The following C4orf17 variants were observed in gnomAD, a reference collection of about 807,000 sequenced individuals.
C4orf17 encodes uncharacterized protein C4orf17.
A neutral mutation model predicts 32.0 loss-of-function variants in C4orf17; 25 were observed. The ratio of observed to expected loss-of-function variants is 0.78; its 90% confidence interval spans 0.57 to 1.09. The LOEUF is 1.09. C4orf17 is among the 50% of genes least tolerant of loss of function. The pLI is 0.00. For missense variants in C4orf17, 420 were observed against 420.0 expected, an observed-to-expected ratio of 1.00 and a Z score of 0.00; for synonymous variants, 149 against 145.8, an observed-to-expected ratio of 1.02 and a Z score of -0.16.
chr4:99,537,628 CTATT>C, intron 5 of C4orf17, 37 bp from the exon 6 acceptor site: 1 of 1,379,178 alleles, frequency 7.3e-7, no homozygotes, highest in Non-Finnish European at 1.0e-6. Flanking sequence ...AAGCCTTGTA[CTATT>C]TATTTGCTCA....
intron 6 of C4orf17, 52 bp from the exon 7 acceptor site, chr4:99,539,111 C>T: frequency 2.0e-6 from 3 of 1,500,978 alleles, no homozygotes; most frequent in East Asian, 2.3e-5. Context: ...TTCTATCCAA[C>T]ATGATAATTG....
At chr4:99,518,579 AGAG>A (rs1560585660) in intron 2 of C4orf17, among the ~76,000 whole-genome samples, 37 of 120,328 alleles carry the variant, frequency 3.1e-4, no homozygotes, top group African/African-American at 1.4e-3. Context: ...AGAGAGAGAG[AGAG>A]AGGGAGGGAG....
At chr4:99,514,778 T>TCATTATATGAAAAAGACA (rs1172231123) in intron 2 of C4orf17, among the ~76,000 whole-genome samples, 20 of 152,220 alleles carry the variant, frequency 1.3e-4, no homozygotes, top group Admixed American at 3.3e-4. Flanking sequence ...GGAAAATAAG[T>TCATTATATGAAAAAGACA]CATTATATGA....
At chr4:99,521,144 T>G (rs1723281097) in intron 2 of C4orf17, among the ~76,000 whole-genome samples, 1 of 151,968 alleles carries the variant, frequency 6.6e-6, no homozygotes, top group Non-Finnish European at 1.5e-5. Flanking sequence ...GAGGCTGAGG[T>G]GGGCGGATTA....
intron 3 of C4orf17, 56 bp downstream of exon 3, chr4:99,522,765 G>A (rs1402770557): frequency 2.9e-6 from 4 of 1,385,692 alleles, no homozygotes; most frequent in Admixed American, 3.5e-5. Context: ...AAACAAGGCT[G>A]TGGGGAGTCT....
intron 2 of C4orf17, among the ~76,000 whole-genome samples, chr4:99,516,453 CTCTT>C (rs1723182701): frequency 6.6e-6 from 1 of 152,202 alleles, no homozygotes; most frequent in African/African-American, 2.4e-5. Flanking sequence ...TATTGATCAT[CTCTT>C]TATTCATTCA....
At chr4:99,523,865 A>G (rs1266949128) in intron 3 of C4orf17, among the ~76,000 whole-genome samples, 1 of 152,102 alleles carries the variant, frequency 6.6e-6, no homozygotes, top group Non-Finnish European at 1.5e-5. Flanking sequence ...TTCAGCACAA[A>G]CCATCTTTCT....
chr4:99,530,040 C>A, intron 5 of C4orf17, 82 bp downstream of exon 5: 1 of 1,099,720 alleles, frequency 9.1e-7, no homozygotes, highest in East Asian at 2.6e-5. Flanking sequence ...ATCCTTAAAA[C>A]TCTTAAATGA....
At chr4:99,541,754 AAAAAG>A (rs1015240265) in intron 8 of C4orf17, 151 bp from the exon 9 acceptor site, 20 of 617,894 alleles carry the variant, frequency 3.2e-5, no homozygotes, top group Middle Eastern at 4.4e-4. Flanking sequence ...TGGTGGAAAA[AAAAAG>A]AAAAGGAATA....
chr4:99,514,894 T>C (rs1847371), intron 2 of C4orf17, among the ~76,000 whole-genome samples: 14,736 of 152,204 alleles, frequency 0.097, 972 homozygotes, highest in African/African-American at 0.18. Context: ...CAATGTGGTA[T>C]ATATACACCA....
intron 3 of C4orf17, 64 bp from the exon 4 acceptor site, chr4:99,524,457 T>A: frequency 1.1e-6 from 1 of 951,984 alleles, no homozygotes; most frequent in Non-Finnish European, 1.7e-6. Flanking sequence ...TTGACACATA[T>A]ATCATGTGAT....
At chr4:99,526,648 TTTC>T (rs1723391602) in intron 4 of C4orf17, among the ~76,000 whole-genome samples, 2 of 126,654 alleles carry the variant, frequency 1.6e-5, no homozygotes, top group South Asian at 5.1e-4. Flanking sequence ...TTTCTTTTCT[TTTC>T]TTTTTTTTTT....
Position 99,513,022 on chromosome 4 carries a change from G to A in C4orf17, c.-60G>A. The A allele has an allele frequency of 1.2e-6, 2 of 1,603,332 alleles. No homozygotes were observed. The highest frequency in any genetic ancestry group is 1.7e-6 in the Non-Finnish European group (2 of 1,173,170). ...CACATCTGGAAGTGAGGTCAATCAA[G>A]TTAGACCCCAAAAACTTTTGTGACA... On this transcript the variant is annotated 5_prime_UTR_variant, in exon 2 of 9. Coordinates refer to ENST00000326581, the MANE Select transcript of C4orf17 (RefSeq NM_032149.3).
intron 5 of C4orf17, chr4:99,535,836 AT>A (rs1330186129): frequency 1.0e-5 from 4 of 388,148 alleles, no homozygotes; most frequent in Non-Finnish European, 2.0e-5. Context: ...AGTTTTCAGC[AT>A]TTTTGCATTG....
intron 2 of C4orf17, among the ~76,000 whole-genome samples, chr4:99,519,713 T>C (rs1003202934): frequency 4.6e-5 from 7 of 152,186 alleles, no homozygotes; most frequent in Non-Finnish European, 1.0e-4. Context: ...TTGTAGAAAG[T>C]GGAAGATGAG....
chr4:99,525,145 C>G (rs1210187458), intron 4 of C4orf17, among the ~76,000 whole-genome samples: 1 of 152,198 alleles, frequency 6.6e-6, no homozygotes, highest in Non-Finnish European at 1.5e-5. Context: ...CATTTGTCTA[C>G]AAGTCTTTGG....
At chr4:99,538,336 T>C (rs1484696632) in intron 6 of C4orf17, among the ~76,000 whole-genome samples, 2 of 152,238 alleles carry the variant, frequency 1.3e-5, no homozygotes, top group Non-Finnish European at 2.9e-5. Context: ...ATCATCAGAC[T>C]GACTGAGGCA....
At chr4:99,539,085 C>G in intron 6 of C4orf17, 78 bp from the exon 7 acceptor site, 1 of 1,258,488 alleles carries the variant, frequency 7.9e-7, no homozygotes, top group South Asian at 1.3e-5. Context: ...TACTCAGGAG[C>G]TGGATATTCC....
chr4:99,523,278 T>TAG (rs34224294), intron 3 of C4orf17, among the ~76,000 whole-genome samples: 20,850 of 152,110 alleles, frequency 0.14, 2,425 homozygotes, highest in African/African-American at 0.31. Flanking sequence ...CAAGGTAAAA[T>TAG]AAGAAAGGAA....
Sources: gnomAD v4.1 joint callset for allele counts (sites outside exome capture counted in the v4.1 genomes callset) on GRCh38, gnomAD v4.1.1 for gene constraint, MANE v1.5 for transcripts, NCBI Gene and HGNC (gene_info 2026-07-23, HGNC 2026-07-21) for gene names.